Variants in SLIT3 observed in about 807,000 individuals in gnomAD.
SLIT3 encodes slit homolog 3 protein.
SLIT3 carries 68 observed loss-of-function variants against 184.0 expected under a neutral mutation model. The observed-to-expected ratio is 0.37, with a 90% CI of 0.30 to 0.45. SLIT3 has a LOEUF of 0.45. Among genes scored for constraint, SLIT3 ranks in the 20% least tolerant of loss-of-function variants. The pLI is 1.00. For synonymous variants in SLIT3, 831 were observed against 828.6 expected, an observed-to-expected ratio of 1.00 and a Z score of -0.05; for missense variants, 1,707 against 2,026.0, an observed-to-expected ratio of 0.84 and a Z score of 3.02.
intron 4 of SLIT3, among the ~76,000 whole-genome samples, chr5:169,008,749 C>T (rs923416941): frequency 2.0e-5 from 3 of 152,144 alleles, no homozygotes; most frequent in Non-Finnish European, 4.4e-5. Context: ...GATCCTCCTG[C>T]CTTGCATCCT....
chr5:168,790,911 C>G (rs79948705), intron 10 of SLIT3: 1 of 152,170 alleles, frequency 6.6e-6, no homozygotes, highest in Non-Finnish European at 1.5e-5. Flanking sequence ...CCCCTCCCTG[C>G]CTCCAAAGCC....
intron 12 of SLIT3, among the ~76,000 whole-genome samples, chr5:168,779,655 A>G (rs1755898188): frequency 1.3e-5 from 2 of 152,226 alleles, no homozygotes; most frequent in African/African-American, 4.8e-5. Context: ...AGCAGAAAAC[A>G]GAAGCCACTG....
chr5:168,834,471 C>A (rs1158687585), intron 6 of SLIT3, among the ~76,000 whole-genome samples: 1 of 151,676 alleles, frequency 6.6e-6, no homozygotes, highest in Non-Finnish European at 1.5e-5. Context: ...GCGGGCGGAT[C>A]ACTCGAGGTC....
chr5:169,281,521 A>G (rs11134569), intron 1 of SLIT3, among the ~76,000 whole-genome samples: 1 of 152,058 alleles, frequency 6.6e-6, no homozygotes, highest in South Asian at 2.1e-4. Context: ...CAGTTCCTCT[A>G]GGCTATTGTA....
intron 4 of SLIT3, among the ~76,000 whole-genome samples, chr5:169,053,880 G>A (rs928813810): frequency 6.6e-6 from 1 of 152,012 alleles, no homozygotes; most frequent in Non-Finnish European, 1.5e-5. Flanking sequence ...CTCAGGTCAG[G>A]AGTTTTAGAC....
chr5:169,097,187 A>G (rs928701168), intron 4 of SLIT3, among the ~76,000 whole-genome samples: 4 of 152,208 alleles, frequency 2.6e-5, no homozygotes, highest in African/African-American at 4.8e-5. Flanking sequence ...TGCTGTCTCT[A>G]CCTGAAATGT....
intron 4 of SLIT3, among the ~76,000 whole-genome samples, chr5:169,066,324 G>A (rs1416452286): frequency 6.6e-6 from 1 of 152,162 alleles, no homozygotes; most frequent in African/African-American, 2.4e-5. Context: ...AGGACCATCT[G>A]AATCCTTCAA....
chr5:169,249,543 A>C (rs1765705198), intron 2 of SLIT3, among the ~76,000 whole-genome samples: 1 of 152,240 alleles, frequency 6.6e-6, no homozygotes, highest in Non-Finnish European at 1.5e-5. Context: ...TTGTTAGAAA[A>C]TGAAGCATTA....
chr5:168,666,717 T>C, intron 35 of SLIT3, 28 bp from the exon 36 acceptor site: 1 of 1,613,882 alleles, frequency 6.2e-7, no homozygotes, highest in Non-Finnish European at 8.5e-7. Flanking sequence ...GTCAGGGCAT[T>C]GGTGGTCTAG....
intron 4 of SLIT3, among the ~76,000 whole-genome samples, chr5:168,922,566 G>A (rs1018205188): frequency 6.6e-6 from 1 of 152,050 alleles, no homozygotes; most frequent in African/African-American, 2.4e-5. Context: ...CAAGATTAAG[G>A]AGTCTGCAAG....
chr5:168,753,029 C>A lies in SLIT3; in HGVS notation c.1899G>T (p.Leu633=), dbSNP rs143317194. 6.2e-7 allele frequency: 1 copy of A among 1,614,008 alleles called. No individual in the cohort carries two copies. The highest frequency in any genetic ancestry group is 8.5e-7 in the Non-Finnish European group (1 of 1,179,950). Residue 633 remains leucine, a synonymous_variant, in exon 18 of 36, where the codon CTG becomes CTT. Coordinates refer to ENST00000519560, the MANE Select transcript of SLIT3 (RefSeq NM_003062.4). ...DTFAGLSSVR[L]LSLYDNRITT... ...TGATCCGATTGTCATAGAGGGACAG[C>A]AGTCTCACCGAACTCAGGCCGGCAA...
intron 12 of SLIT3, 87 bp downstream of exon 12, chr5:168,785,820 G>A: frequency 1.1e-6 from 1 of 936,662 alleles, no homozygotes; most frequent in East Asian, 2.4e-5. Flanking sequence ...AAAGTCAAAA[G>A]AACTCTCCAG....
intron 1 of SLIT3, among the ~76,000 whole-genome samples, chr5:169,296,356 A>T (rs1295263226): frequency 6.6e-6 from 1 of 152,252 alleles, no homozygotes; most frequent in East Asian, 1.9e-4. Context: ...CTATACAAGA[A>T]TTCTACTTTC....
At chr5:168,812,492 CAAAAT>C (rs1230414227) in intron 8 of SLIT3, among the ~76,000 whole-genome samples, 2 of 151,932 alleles carry the variant, frequency 1.3e-5, no homozygotes, top group South Asian at 2.1e-4. Context: ...CAATTCAAAA[CAAAAT>C]AAAAAAATTT....
chr5:168,949,527 CA>C (rs1248879098), intron 4 of SLIT3, among the ~76,000 whole-genome samples: 5 of 152,122 alleles, frequency 3.3e-5, no homozygotes, highest in African/African-American at 1.2e-4. Context: ...TACACAAGGC[CA>C]AAAACAGCTG....
chr5:168,871,741 G>T (rs192908786), intron 5 of SLIT3, among the ~76,000 whole-genome samples: 1 of 152,224 alleles, frequency 6.6e-6, no homozygotes, highest in East Asian at 1.9e-4. Flanking sequence ...TGGAATAAAA[G>T]CAGCAATAAT....
At chr5:168,792,320 G>A (rs181402774) in intron 10 of SLIT3, 1 of 152,390 alleles carries the variant, frequency 6.6e-6, no homozygotes, top group East Asian at 1.9e-4. Flanking sequence ...TCACGAGGGT[G>A]TAGATTAAAA....
chr5:169,076,513 C>A (rs1014074012), intron 4 of SLIT3, among the ~76,000 whole-genome samples: 7 of 151,946 alleles, frequency 4.6e-5, no homozygotes, highest in African/African-American at 1.7e-4. Context: ...TTCTCCCTAC[C>A]TCTCTCTCTC....
rs141011227 is a variant in SLIT3, at chr5:168,890,343, C to T, written c.414-7007G>A. 5.7e-3 allele frequency among the ~76,000 whole-genome samples: 872 copies of T among 152,220 alleles called. 9 individuals are homozygous for T. The highest frequency in any genetic ancestry group is 0.02 in the African/African-American group (836 of 41,518). ...GATGCCAATCTGAATCAAGAGGACTCACAGGGAATGCAGGCTTGTTTCATC... is the reference window on the plus strand; with the variant it reads ...GATGCCAATCTGAATCAAGAGGACTTACAGGGAATGCAGGCTTGTTTCATC... On this transcript the variant is annotated intron_variant, in intron 4 of 35. Transcript: ENST00000519560.
Sources: allele counts gnomAD v4.1 joint callset (sites outside exome capture counted in the v4.1 genomes callset), GRCh38; gene constraint gnomAD v4.1.1; transcripts MANE v1.5; gene names NCBI Gene and HGNC (gene_info 2026-07-23, HGNC 2026-07-21).